The following MYO5B variants were observed in gnomAD, a reference collection of about 807,000 sequenced individuals.
MYO5B encodes the protein myosin VB.
A neutral mutation model predicts 229.3 loss-of-function variants in MYO5B; 143 were observed. The ratio of observed to expected loss-of-function variants is 0.62; its 90% CI spans 0.54 to 0.72. MYO5B has a LOEUF of 0.72. Ranked by LOEUF, MYO5B falls within the 30% of genes least tolerant of loss-of-function variation. MYO5B has a pLI of 0.00. For synonymous variants in MYO5B, 918 were observed against 885.2 expected (o/e 1.04, Z -0.66); for missense variants, 2,321 against 2,331.0 (o/e 1.00, Z 0.09).
chr18:49,880,554 CTTTT>C, intron 22 of MYO5B, 99 bp from the exon 23 acceptor site: 1 of 943,004 alleles, frequency 1.1e-6, no homozygotes, highest in Non-Finnish European at 1.7e-6. Flanking sequence ...TGTAAATGCT[CTTTT>C]TAAGAAAATT....
chr18:50,043,859 T>G (rs2030142842), intron 2 of MYO5B, among the ~76,000 whole-genome samples: 1 of 151,536 alleles, frequency 6.6e-6, no homozygotes, highest in Non-Finnish European at 1.5e-5. Flanking sequence ...TGCAAAGGCA[T>G]AAAAATGATA....
At chr18:50,188,039 A>G (rs972370272) in intron 1 of MYO5B, among the ~76,000 whole-genome samples, 3 of 152,226 alleles carry the variant, frequency 2.0e-5, no homozygotes, top group African/African-American at 2.4e-5. Flanking sequence ...CAATAATTGC[A>G]CTATGGTTAT....
intron 27 of MYO5B, among the ~76,000 whole-genome samples, chr18:49,870,369 G>A (rs971019368): frequency 6.6e-6 from 1 of 152,194 alleles, no homozygotes; most frequent in African/African-American, 2.4e-5. Flanking sequence ...AAAGCCTTAT[G>A]ACATCAGATT....
At chr18:50,109,655 T>C (rs2031829693) in intron 1 of MYO5B, among the ~76,000 whole-genome samples, 1 of 151,986 alleles carries the variant, frequency 6.6e-6, no homozygotes, top group Non-Finnish European at 1.5e-5. Context: ...CTCGATCTCC[T>C]GACGTTGTGA....
intron 12 of MYO5B, among the ~76,000 whole-genome samples, chr18:49,961,344 T>TA (rs564353164): frequency 1.1e-4 from 16 of 151,186 alleles, no homozygotes; most frequent in South Asian, 2.1e-4. Flanking sequence ...TTCAGGAGGT[T>TA]AAAAAAAAAT....
intron 4 of MYO5B, among the ~76,000 whole-genome samples, chr18:50,030,302 T>C (rs1189184573): frequency 6.7e-6 from 1 of 149,610 alleles, no homozygotes; most frequent in Non-Finnish European, 1.5e-5. Flanking sequence ...TTCTGCAATT[T>C]ATTTCCACAA....
At chr18:49,955,029 T>C (rs2025477622) in intron 12 of MYO5B, among the ~76,000 whole-genome samples, 1 of 152,198 alleles carries the variant, frequency 6.6e-6, no homozygotes, top group Non-Finnish European at 1.5e-5. Flanking sequence ...GAGTTTTGGG[T>C]TTCATCACTA....
chr18:50,127,191 C>G (rs1041953101), intron 1 of MYO5B, among the ~76,000 whole-genome samples: 1 of 152,136 alleles, frequency 6.6e-6, no homozygotes, highest in South Asian at 2.1e-4. Flanking sequence ...GTGGCACTTA[C>G]GATAATTCAA....
intron 17 of MYO5B, among the ~76,000 whole-genome samples, chr18:49,927,124 C>T (rs1221262261): frequency 6.6e-6 from 1 of 152,118 alleles, no homozygotes; most frequent in Non-Finnish European, 1.5e-5. Flanking sequence ...TACTTAATAC[C>T]ACTAAACTGT....
At chr18:50,148,451 C>A (rs1050247399) in intron 1 of MYO5B, among the ~76,000 whole-genome samples, 8 of 151,392 alleles carry the variant, frequency 5.3e-5, no homozygotes, top group African/African-American at 1.9e-4. Flanking sequence ...TACTGGCAAA[C>A]CGAATCCAGC....
intron 4 of MYO5B, among the ~76,000 whole-genome samples, chr18:50,035,525 C>T (rs75478713): frequency 0.028 from 4,288 of 152,292 alleles, 77 homozygotes; most frequent in Non-Finnish European, 0.039. Flanking sequence ...CTGTGCCATA[C>T]CCGCGGCCTC....
chr18:50,080,178 C>T (rs73446672), intron 1 of MYO5B, among the ~76,000 whole-genome samples: 14,178 of 152,118 alleles, frequency 0.093, 1,217 homozygotes, highest in African/African-American at 0.23. Flanking sequence ...TAAAAAGACA[C>T]GAGAGAAGGA....
chr18:50,034,057 A>T (rs2026420926), intron 4 of MYO5B, among the ~76,000 whole-genome samples: 2 of 144,120 alleles, frequency 1.4e-5, no homozygotes, highest in South Asian at 4.2e-4. Flanking sequence ...CAAGAGAATC[A>T]CTGAGTCCAA....
At position 49,896,708 on chromosome 18, in the gene MYO5B, G is replaced by A. The variant is rs1043756184; in HGVS notation, c.2812-1534C>T. ...ATCCTATCCTGCTATTGACAAAGAT[G>A]GCACCTCAGGACTCTAATGCGAAGT... On this transcript the variant is annotated intron_variant, in intron 21 of 39. Coordinates refer to ENST00000285039, the MANE Select transcript of MYO5B (RefSeq NM_001080467.3). Among the ~76,000 whole-genome samples the A allele has an allele frequency of 2.6e-5, 4 of 152,120 alleles. No homozygotes were observed. The South Asian group carries it at 8.3e-4, about 32-fold the overall frequency.
At chr18:49,888,601 G>A (rs2024673428) in intron 22 of MYO5B, among the ~76,000 whole-genome samples, 1 of 152,182 alleles carries the variant, frequency 6.6e-6, no homozygotes, top group African/African-American at 2.4e-5. Context: ...AGGCTGGGTA[G>A]GTAGAGGGAG....
chr18:50,178,530 AG>A (rs1312299758), intron 1 of MYO5B, among the ~76,000 whole-genome samples: 1 of 152,248 alleles, frequency 6.6e-6, no homozygotes, highest in African/African-American at 2.4e-5. Flanking sequence ...AAAAAGCATA[AG>A]GCAAGATTTT....
chr18:49,844,525 G>A (rs751995865), intron 33 of MYO5B, among the ~76,000 whole-genome samples: 4 of 152,170 alleles, frequency 2.6e-5, no homozygotes, highest in Non-Finnish European at 4.4e-5. Context: ...CCTGGGCTGG[G>A]CTCTGCTGCC....
intron 8 of MYO5B, among the ~76,000 whole-genome samples, chr18:49,982,987 G>T (rs941798127): frequency 1.3e-5 from 2 of 152,162 alleles, no homozygotes; most frequent in African/African-American, 4.8e-5. Flanking sequence ...AGCTGCCAGA[G>T]ATCTTCTCCT....
chr18:49,874,196 G>C (rs2024490090), intron 26 of MYO5B, among the ~76,000 whole-genome samples: 1 of 152,224 alleles, frequency 6.6e-6, no homozygotes, highest in Non-Finnish European at 1.5e-5. Flanking sequence ...CCCAGGCCTA[G>C]AGTTCTAACT....
Sources: gnomAD v4.1 joint callset for allele counts (sites outside exome capture counted in the v4.1 genomes callset) on GRCh38, gnomAD v4.1.1 for gene constraint, MANE v1.5 for transcripts, NCBI Gene and HGNC (gene_info 2026-07-23, HGNC 2026-07-21) for gene names.